Variants in NDFIP2 observed in about 807,000 individuals in gnomAD.
NDFIP2 encodes the protein NEDD4 family-interacting protein 2.
Under a neutral mutation model 36.0 loss-of-function variants are expected in NDFIP2, and 19 were observed. That is an observed-to-expected ratio of 0.53 (90% CI 0.37 to 0.77). The LOEUF (loss-of-function observed/expected upper bound fraction) is 0.77. NDFIP2 is among the 30% of genes least tolerant of loss of function. NDFIP2 has a pLI of 0.00. For synonymous variants in NDFIP2, 181 were observed against 167.7 expected (o/e 1.08, Z -0.61); for missense variants, 446 against 435.8 (o/e 1.02, Z -0.21).
intron 5 of NDFIP2, among the ~76,000 whole-genome samples, 179 bp from the exon 6 acceptor site, chr13:79,548,149 T>C (rs1875759713): frequency 6.6e-6 from 1 of 152,128 alleles, no homozygotes; most frequent in Non-Finnish European, 1.5e-5. Context: ...GATGATTTTT[T>C]CTCAAATAAT....
At chr13:79,493,435 C>T (rs1473474660) in intron 1 of NDFIP2, among the ~76,000 whole-genome samples, 1 of 152,076 alleles carries the variant, frequency 6.6e-6, no homozygotes, top group African/African-American at 2.4e-5. Flanking sequence ...TGAATAATTC[C>T]TCTTGTAACC....
At chr13:79,546,393 A>G (rs1344807884) in intron 5 of NDFIP2, among the ~76,000 whole-genome samples, 6 of 152,226 alleles carry the variant, frequency 3.9e-5, no homozygotes, top group Non-Finnish European at 8.8e-5. Flanking sequence ...AACAAAGTAC[A>G]TTTTGAAAGT....
rs753916424 is a variant in NDFIP2, at chr13:79,553,221, T to C, written c.*708T>C. On this transcript the variant is annotated 3_prime_UTR_variant, in exon 8 of 8. Transcript: ENST00000218652. ...ACACATATATATACACACACACATATATATATTTAGAAACGTGAGTGTTAA... is the reference window on the plus strand; with the variant it reads ...ACACATATATATACACACACACATACATATATTTAGAAACGTGAGTGTTAA... 12 of 151,242 alleles carry C rather than the reference T, an allele frequency of 7.9e-5. No homozygotes were observed. The highest frequency in any genetic ancestry group is 1.8e-4 in the Non-Finnish European group (12 of 67,430). 9.4% of individuals were successfully genotyped at this position (151,242 alleles called of 1,614,324 possible).
At chr13:79,508,375 T>C (rs979446863) in intron 1 of NDFIP2, among the ~76,000 whole-genome samples, 1 of 152,168 alleles carries the variant, frequency 6.6e-6, no homozygotes, top group Non-Finnish European at 1.5e-5. Flanking sequence ...GGTGAGTCCA[T>C]AGAGTAAAGT....
At chr13:79,530,840 C>G (rs1874987359) in intron 2 of NDFIP2, among the ~76,000 whole-genome samples, 1 of 152,182 alleles carries the variant, frequency 6.6e-6, no homozygotes, top group Non-Finnish European at 1.5e-5. Flanking sequence ...TCTTAAACCC[C>G]TCAGTCATCT....
intron 1 of NDFIP2, among the ~76,000 whole-genome samples, chr13:79,514,144 C>T (rs996768863): frequency 2.6e-5 from 4 of 152,146 alleles, no homozygotes; most frequent in Non-Finnish European, 5.9e-5. Flanking sequence ...GCCCTCTCTC[C>T]TTTAATGTAT....
At chr13:79,547,485 A>AT (rs1294503521) in intron 5 of NDFIP2, among the ~76,000 whole-genome samples, 1 of 152,174 alleles carries the variant, frequency 6.6e-6, no homozygotes, top group African/African-American at 2.4e-5. Context: ...AAAAGTAATC[A>AT]TTTGAGGCAT....
chr13:79,510,330 C>T (rs1874036089), intron 1 of NDFIP2, among the ~76,000 whole-genome samples: 1 of 151,208 alleles, frequency 6.6e-6, no homozygotes, highest in Non-Finnish European at 1.5e-5. Flanking sequence ...CTGACCGTAG[C>T]CTACTCTTTG....
chr13:79,503,392 G>T (rs970397952), intron 1 of NDFIP2, among the ~76,000 whole-genome samples: 20 of 152,120 alleles, frequency 1.3e-4, no homozygotes, highest in Admixed American at 3.3e-4. Context: ...GCGGACTAGA[G>T]AATTGAGGGT....
chr13:79,539,657 C>T, intron 3 of NDFIP2, 25 bp from the exon 4 acceptor site: 2 of 1,572,768 alleles, frequency 1.3e-6, no homozygotes, highest in Non-Finnish European at 8.7e-7. Context: ...TTTTAGTGAG[C>T]TATTCCAATG....
intron 1 of NDFIP2, among the ~76,000 whole-genome samples, chr13:79,483,505 T>C (rs1396207429): frequency 6.6e-6 from 1 of 152,196 alleles, no homozygotes; most frequent in African/African-American, 2.4e-5. Flanking sequence ...AGCTCAGTTT[T>C]TGGGAAAACT....
rs567432686 is a variant in NDFIP2 at position 79,542,938 on chromosome 13, G to A, written c.716-620G>A. 4.6e-5 allele frequency among the ~76,000 whole-genome samples: 7 copies of A among 150,704 alleles called. No individual in the cohort carries two copies. The South Asian group carries it at 1.3e-3, about 27-fold the overall frequency. On this transcript the variant is annotated intron_variant, in intron 4 of 7. Transcript: ENST00000218652. ...GTTGCCCACATTCCAGTGCAGTGGC[G>A]TGATCTTGGCCCACTGCAACCTCTA...
chr13:79,487,385 T>C (rs1873045180), intron 1 of NDFIP2, among the ~76,000 whole-genome samples: 1 of 152,220 alleles, frequency 6.6e-6, no homozygotes, highest in Non-Finnish European at 1.5e-5. Context: ...TTTCATCGTA[T>C]AAATCGAATG....
intron 1 of NDFIP2, among the ~76,000 whole-genome samples, chr13:79,498,049 G>A (rs562253371): frequency 6.6e-6 from 1 of 151,866 alleles, no homozygotes; most frequent in African/African-American, 2.4e-5. Context: ...GTTTGAGTGT[G>A]TGCATTCAAA....
intron 1 of NDFIP2, among the ~76,000 whole-genome samples, chr13:79,491,400 A>G (rs1873220412): frequency 6.6e-6 from 1 of 151,848 alleles, no homozygotes; most frequent in Non-Finnish European, 1.5e-5. Flanking sequence ...CCAGCTTGAA[A>G]TATATTGCTT....
intron 3 of NDFIP2, among the ~76,000 whole-genome samples, chr13:79,537,131 G>A (rs187317716): frequency 2.2e-4 from 34 of 151,574 alleles, no homozygotes; most frequent in South Asian, 6.3e-4. Context: ...TTTTTGAGGC[G>A]CAGTCTCACT....
chr13:79,535,230 C>T (rs1875188341), intron 3 of NDFIP2, among the ~76,000 whole-genome samples: 1 of 152,158 alleles, frequency 6.6e-6, no homozygotes, highest in South Asian at 2.1e-4. Flanking sequence ...AACTCCTTTT[C>T]TCAGGGGGTG....
Position 79,533,341 on chromosome 13 carries a change from A to G in NDFIP2, c.506A>G (p.Glu169Gly). ...TCTTCAGATACAGAAGTTTACGGTG[A>G]GTTTTATCCCGTGCCACCTCCCTAT... ...PTTSDTEVYG[E>G]FYPVPPPYSV... The change falls in exon 3 of 8, where the codon GAG (glutamate) becomes GGG (glycine). Residue 169 changes from glutamate to glycine, a missense_variant. By Grantham distance (98) the Glu-to-Gly change is moderately conservative (BLOSUM62 -2). Coordinates refer to ENST00000218652, the MANE Select transcript of NDFIP2 (RefSeq NM_019080.3). 2 of 1,603,140 alleles carry G rather than the reference A, an allele frequency of 1.2e-6. No homozygotes were observed. Among genetic ancestry groups the G allele is most frequent in the Non-Finnish European group, 1.7e-6 (2 of 1,175,462 alleles).
chr13:79,522,692 T>A (rs1489041247), intron 2 of NDFIP2, among the ~76,000 whole-genome samples: 1 of 152,204 alleles, frequency 6.6e-6, no homozygotes, highest in East Asian at 1.9e-4. Flanking sequence ...CAGCTGGGGC[T>A]ACTGGCCAAG....
Sources: gnomAD v4.1 joint callset for allele counts (sites outside exome capture counted in the v4.1 genomes callset) on GRCh38, gnomAD v4.1.1 for gene constraint, MANE v1.5 for transcripts, NCBI Gene and HGNC (gene_info 2026-07-23, HGNC 2026-07-21) for gene names.